The following EEFSEC variants were observed in gnomAD, a reference collection of about 807,000 sequenced individuals.
EEFSEC encodes eukaryotic elongation factor, selenocysteine-tRNA specific.
A neutral mutation model predicts 42.1 loss-of-function variants in EEFSEC; 43 were observed. That is an observed-to-expected ratio of 1.02 (90% CI 0.80 to 1.32). The LOEUF (loss-of-function observed/expected upper bound fraction) is 1.32, where lower values mean the gene tolerates loss of function less well. Among genes scored for constraint, EEFSEC ranks in the 40% most tolerant of loss-of-function variants. The pLI is 0.00. For missense variants in EEFSEC, 745 were observed against 803.6 expected (o/e 0.93, Z 0.88); for synonymous variants, 354 against 339.1 (o/e 1.04, Z -0.48).
intron 4 of EEFSEC, among the ~76,000 whole-genome samples, chr3:128,339,002 G>T (rs2067220930): frequency 6.6e-6 from 1 of 152,218 alleles, no homozygotes; most frequent in Non-Finnish European, 1.5e-5. Context: ...GGCTGCTGCA[G>T]GCGCCTGGGA....
chr3:128,249,939 C>T (rs1196917284), intron 2 of EEFSEC, among the ~76,000 whole-genome samples: 1 of 152,110 alleles, frequency 6.6e-6, no homozygotes, highest in Non-Finnish European at 1.5e-5. Context: ...CCTCTCAGTA[C>T]ATCCTAGGAG....
At chr3:128,189,257 C>G (rs773292834) in intron 1 of EEFSEC, among the ~76,000 whole-genome samples, 1 of 152,206 alleles carries the variant, frequency 6.6e-6, no homozygotes, top group Non-Finnish European at 1.5e-5. Context: ...GACAAAACTC[C>G]ATTCACACAA....
chr3:128,189,241 G>A (rs1458251674), intron 1 of EEFSEC, among the ~76,000 whole-genome samples: 3 of 152,168 alleles, frequency 2.0e-5, no homozygotes, highest in Admixed American at 6.5e-5. Context: ...CAAGCGCCTC[G>A]CAGAAGACAA....
At chr3:128,399,362 A>G (rs983000605) in intron 6 of EEFSEC, among the ~76,000 whole-genome samples, 1 of 152,162 alleles carries the variant, frequency 6.6e-6, no homozygotes, top group Admixed American at 6.5e-5. Flanking sequence ...CGCCCAATCA[A>G]AGGGGTGCAT....
intron 1 of EEFSEC, among the ~76,000 whole-genome samples, chr3:128,198,662 T>C (rs997700838): frequency 2.0e-5 from 3 of 152,154 alleles, no homozygotes; most frequent in Non-Finnish European, 4.4e-5. Context: ...TGAAGAAGGC[T>C]CCTTGCATAC....
At chr3:128,167,329 G>A (rs1192313176) in intron 1 of EEFSEC, among the ~76,000 whole-genome samples, 5 of 152,182 alleles carry the variant, frequency 3.3e-5, no homozygotes, top group Admixed American at 6.5e-5. Context: ...CTGTATGTCC[G>A]AGGGCCCAGG....
At chr3:128,279,146 C>T (rs373086613) in intron 4 of EEFSEC, among the ~76,000 whole-genome samples, 1 of 152,128 alleles carries the variant, frequency 6.6e-6, no homozygotes, top group Non-Finnish European at 1.5e-5. Context: ...AACCATACGG[C>T]GGCGGCGTTG....
chr3:128,167,796 A>G (rs979619105), intron 1 of EEFSEC, among the ~76,000 whole-genome samples: 1 of 152,212 alleles, frequency 6.6e-6, no homozygotes, highest in Non-Finnish European at 1.5e-5. Flanking sequence ...TATAACATAG[A>G]TCCCTCCCAG....
At chr3:128,210,833 G>C (rs2065748406) in intron 1 of EEFSEC, among the ~76,000 whole-genome samples, 1 of 152,252 alleles carries the variant, frequency 6.6e-6, no homozygotes, top group Non-Finnish European at 1.5e-5. Context: ...CCTTCTGTCA[G>C]GGTTCAGAGA....
At chr3:128,354,805 G>A (rs751347277) in intron 5 of EEFSEC, among the ~76,000 whole-genome samples, 14 of 152,164 alleles carry the variant, frequency 9.2e-5, no homozygotes, top group African/African-American at 1.4e-4. Context: ...TGCAGTAAAC[G>A]TGTTCTGAAA....
At chr3:128,342,646 C>T (rs1489896976) in intron 5 of EEFSEC, among the ~76,000 whole-genome samples, 1 of 152,162 alleles carries the variant, frequency 6.6e-6, no homozygotes, top group Non-Finnish European at 1.5e-5. Context: ...CTGGGCGGCC[C>T]TTGGCCTTGT....
chr3:128,216,588 A>G (rs1411702698), intron 1 of EEFSEC, among the ~76,000 whole-genome samples: 1 of 152,070 alleles, frequency 6.6e-6, no homozygotes, highest in Admixed American at 6.6e-5. Flanking sequence ...CGACCAGCCC[A>G]CTCACGCCTG....
intron 4 of EEFSEC, among the ~76,000 whole-genome samples, chr3:128,314,163 G>C (rs2066920040): frequency 6.6e-6 from 1 of 152,128 alleles, no homozygotes; most frequent in Non-Finnish European, 1.5e-5. Flanking sequence ...ACCAACTGTT[G>C]GTAAGAACAG....
At chr3:128,403,068 G>A (rs1201219448) in intron 6 of EEFSEC, among the ~76,000 whole-genome samples, 2 of 152,116 alleles carry the variant, frequency 1.3e-5, no homozygotes, top group Non-Finnish European at 2.9e-5. Context: ...GGGGGTTGTA[G>A]TTCTAAACAA....
At chr3:128,306,393 C>T (rs749633002) in intron 4 of EEFSEC, among the ~76,000 whole-genome samples, 42 of 152,104 alleles carry the variant, frequency 2.8e-4, no homozygotes, top group South Asian at 4.1e-4. Context: ...CTATTCATAT[C>T]CTCACTGTAA....
At chr3:128,160,009 A>G (rs2065163693) in intron 1 of EEFSEC, among the ~76,000 whole-genome samples, 1 of 152,250 alleles carries the variant, frequency 6.6e-6, no homozygotes, top group Admixed American at 6.5e-5. Context: ...CACTTGGGCC[A>G]GAGCCTGGCA....
intron 2 of EEFSEC, among the ~76,000 whole-genome samples, chr3:128,255,386 A>G (rs1270201735): frequency 6.6e-6 from 1 of 152,162 alleles, no homozygotes; most frequent in Non-Finnish European, 1.5e-5. Flanking sequence ...ATTGCAAGGG[A>G]AGAGCACTGA....
rs762617178 is a variant in EEFSEC, at chr3:128,341,481, G to A, written c.1035G>A (p.Met345Ile). 78 of 1,614,040 alleles carry A rather than the reference G, an allele frequency of 4.8e-5. 2 individuals carry two copies. In the South Asian group the frequency reaches 8.6e-4, roughly 18 times the overall value. Residue 345 changes from methionine (M) to isoleucine (I), a missense_variant, in exon 5 of 7, where the codon ATG (methionine) becomes ATA (isoleucine). Transcript: ENST00000254730. Reference sequence around the variant, plus strand: ...TTACAGTGGGCCATGAAACAGTCATGGGCCGGTTGATGTTCTTCAGTCCTG... The same window carrying A: ...TTACAGTGGGCCATGAAACAGTCATAGGCCGGTTGATGTTCTTCAGTCCTG... ...FHITVGHETV[M>I]GRLMFFSPAP...
chr3:128,341,041 G>A (rs1030462926), intron 4 of EEFSEC, among the ~76,000 whole-genome samples, 192 bp from the exon 5 acceptor site: 7 of 152,126 alleles, frequency 4.6e-5, no homozygotes, highest in South Asian at 2.1e-4. Context: ...GGCGGCCCTC[G>A]GCCTTGTGCT....
Sources: gnomAD v4.1 joint callset for allele counts (sites outside exome capture counted in the v4.1 genomes callset) on GRCh38, gnomAD v4.1.1 for gene constraint, MANE v1.5 for transcripts, NCBI Gene and HGNC (gene_info 2026-07-23, HGNC 2026-07-21) for gene names.